RBM33: variants seen among roughly 807,000 people sequenced by gnomAD.
RBM33 encodes RNA-binding protein 33.
A neutral mutation model predicts 132.6 loss-of-function variants in RBM33; 28 were observed. The ratio of observed to expected loss-of-function variants is 0.21; its 90% confidence interval spans 0.16 to 0.29. The LOEUF (loss-of-function observed/expected upper bound fraction) is 0.29. RBM33 is among the 10% of genes least tolerant of loss of function. The pLI is 1.00. For missense variants in RBM33, 1,291 were observed against 1,518.5 expected (o/e 0.85, Z 2.49); for synonymous variants, 634 against 593.0 (o/e 1.07, Z -1.01).
intron 9 of RBM33, among the ~76,000 whole-genome samples, chr7:155,723,360 T>C (rs1800680732): frequency 6.6e-6 from 1 of 152,238 alleles, no homozygotes; most frequent in Non-Finnish European, 1.5e-5. Context: ...ATGGGCATTT[T>C]CTCTGATCAG....
In RBM33 at chr7:155,780,112, T is replaced by C. The variant is rs1268024031; in HGVS notation, c.*5071T>C. On this transcript the variant is annotated 3_prime_UTR_variant, in exon 18 of 18. Transcript: ENST00000401878. ...GCATTCTTTTAGCATGATTTTCTTT[T>C]AAACTGCTTTTCATTTTAAGGGCAC... 1 of 152,260 alleles carries C rather than the reference T, an allele frequency of 6.6e-6. No individual in the cohort carries two copies. The highest frequency in any genetic ancestry group is 1.5e-5 in the Non-Finnish European group (1 of 68,048). 9.4% of individuals were successfully genotyped at this position (152,260 alleles called of 1,614,324 possible).
intron 1 of RBM33, among the ~76,000 whole-genome samples, chr7:155,658,427 G>A (rs531120934): frequency 5.7e-4 from 77 of 135,916 alleles, no homozygotes; most frequent in African/African-American, 2.0e-3. Context: ...TCTCTCTGTC[G>A]CCCAGGCTGG....
At chr7:155,753,501 T>C (rs2117049821) in intron 14 of RBM33, among the ~76,000 whole-genome samples, 1 of 152,212 alleles carries the variant, frequency 6.6e-6, no homozygotes, top group East Asian at 1.9e-4. Context: ...TGGCAGAAGG[T>C]GACTTCCTAG....
chr7:155,760,819 T>C (rs1802009941), intron 14 of RBM33, among the ~76,000 whole-genome samples: 1 of 152,318 alleles, frequency 6.6e-6, no homozygotes, highest in South Asian at 2.1e-4. Flanking sequence ...ACTCACACCT[T>C]GGGTAGAAGA....
At chr7:155,687,145 TTTC>T (rs1341083952) in intron 5 of RBM33, among the ~76,000 whole-genome samples, 6 of 152,192 alleles carry the variant, frequency 3.9e-5, no homozygotes. Context: ...GCACCTGTTG[TTTC>T]TTGACTTTTT....
chr7:155,744,125 GT>G (rs765996317), intron 13 of RBM33, among the ~76,000 whole-genome samples: 1 of 152,202 alleles, frequency 6.6e-6, no homozygotes, highest in Non-Finnish European at 1.5e-5. Flanking sequence ...AATTCTTAAG[GT>G]TTATTTAGGG....
intron 9 of RBM33, among the ~76,000 whole-genome samples, chr7:155,719,965 T>C (rs1800572133): frequency 6.6e-6 from 1 of 152,224 alleles, no homozygotes; most frequent in Non-Finnish European, 1.5e-5. Context: ...CAAGTATAAT[T>C]GTATCTGATG....
intron 1 of RBM33, among the ~76,000 whole-genome samples, chr7:155,653,773 G>A (rs138911209): frequency 2.0e-5 from 3 of 152,148 alleles, no homozygotes; most frequent in Admixed American, 6.5e-5. Flanking sequence ...CAGTAAGTAC[G>A]GTGTTTTCCT....
intron 1 of RBM33, among the ~76,000 whole-genome samples, chr7:155,652,739 T>C (rs965259932): frequency 1.3e-5 from 2 of 152,194 alleles, no homozygotes; most frequent in African/African-American, 4.8e-5. Context: ...TTCGTTTTGC[T>C]CAGTTAATAT....
At chr7:155,692,860 C>T (rs1473217833) in intron 5 of RBM33, among the ~76,000 whole-genome samples, 1 of 152,140 alleles carries the variant, frequency 6.6e-6, no homozygotes, top group Admixed American at 6.5e-5. Flanking sequence ...GTATATGTAT[C>T]AAGTATTTGT....
chr7:155,720,728 T>G (rs1306404878), intron 9 of RBM33, among the ~76,000 whole-genome samples: 1 of 152,232 alleles, frequency 6.6e-6, no homozygotes, highest in African/African-American at 2.4e-5. Context: ...TTGTTGTGGC[T>G]TAGCAAAGCC....
At chr7:155,646,895 T>C (rs1018022534) in intron 1 of RBM33, among the ~76,000 whole-genome samples, 1 of 152,214 alleles carries the variant, frequency 6.6e-6, no homozygotes. Context: ...CAACAAACAT[T>C]TGGTGAATGA....
chr7:155,772,150 T>A (rs934756500), intron 16 of RBM33, among the ~76,000 whole-genome samples: 1 of 152,222 alleles, frequency 6.6e-6, no homozygotes, highest in Admixed American at 6.5e-5. Context: ...ACTGTTTCAG[T>A]CACTTTTGAG....
intron 2 of RBM33, among the ~76,000 whole-genome samples, chr7:155,669,899 A>G (rs1798900316): frequency 1.3e-5 from 2 of 152,120 alleles, no homozygotes; most frequent in South Asian, 4.1e-4. Context: ...CCAATGGGCG[A>G]ATCCATCTGG....
At chr7:155,673,784 A>G (rs1172901640) in intron 3 of RBM33, among the ~76,000 whole-genome samples, 9 of 149,380 alleles carry the variant, frequency 6.0e-5, no homozygotes, top group South Asian at 2.1e-4. Context: ...ACACACACAC[A>G]CACACACACA....
At chr7:155,694,676 A>G (rs1311236326) in intron 5 of RBM33, among the ~76,000 whole-genome samples, 2 of 152,180 alleles carry the variant, frequency 1.3e-5, no homozygotes, top group Non-Finnish European at 2.9e-5. Context: ...ATGTAGTCAT[A>G]TAGTGTGTGT....
chr7:155,665,510 A>G (rs999752486), intron 2 of RBM33, among the ~76,000 whole-genome samples: 1 of 152,228 alleles, frequency 6.6e-6, no homozygotes, highest in African/African-American at 2.4e-5. Context: ...TTTGTACAGT[A>G]ATGATACTGA....
intron 8 of RBM33, among the ~76,000 whole-genome samples, chr7:155,715,121 G>A (rs1446156293): frequency 2.6e-5 from 4 of 152,220 alleles, no homozygotes; most frequent in South Asian, 2.1e-4. Context: ...GGCCCTGAGC[G>A]TCGCTGATTG....
chr7:155,720,172 T>C (rs899778751), intron 9 of RBM33, among the ~76,000 whole-genome samples: 9 of 152,200 alleles, frequency 5.9e-5, no homozygotes, highest in African/African-American at 1.9e-4. Context: ...GTGTGGGTGA[T>C]CAGAAATAGT....
Sources: allele counts gnomAD v4.1 joint callset (sites outside exome capture counted in the v4.1 genomes callset), GRCh38; gene constraint gnomAD v4.1.1; transcripts MANE v1.5; gene names NCBI Gene and HGNC (gene_info 2026-07-23, HGNC 2026-07-21).